The following GAB4 variants were observed in gnomAD, a reference collection of about 807,000 sequenced individuals.
GAB4 encodes the protein GRB2 associated binding protein family member 4.
GAB4 carries 26 observed loss-of-function variants against 51.3 expected under a neutral mutation model. The ratio of observed to expected loss-of-function variants is 0.51; its 90% CI spans 0.37 to 0.70. GAB4 has a LOEUF of 0.70. Among genes scored for constraint, GAB4 ranks in the 30% least tolerant of loss-of-function variants. GAB4 has a pLI of 0.00. For missense variants in GAB4, 759 were observed against 734.6 expected (o/e 1.03, Z -0.38); for synonymous variants, 329 against 291.2 (o/e 1.13, Z -1.32).
intron 1 of GAB4, among the ~76,000 whole-genome samples, chr22:17,001,817 C>T (rs551078295): frequency 6.6e-6 from 1 of 152,250 alleles, no homozygotes; most frequent in African/African-American, 2.4e-5. Flanking sequence ...CTACCCAGTT[C>T]GAGCTTCCAG....
At chr22:16,983,107 T>C (rs1206667458) in intron 3 of GAB4, among the ~76,000 whole-genome samples, 1 of 152,162 alleles carries the variant, frequency 6.6e-6, no homozygotes, top group African/African-American at 2.4e-5. Context: ...GCAGAACATG[T>C]TCCATATGCT....
At chr22:16,984,980 C>T (rs534526074) in intron 3 of GAB4, among the ~76,000 whole-genome samples, 9 of 152,184 alleles carry the variant, frequency 5.9e-5, no homozygotes, top group Non-Finnish European at 1.0e-4. Context: ...GAAAATTGAC[C>T]TCTGTGTATT....
At chr22:16,965,683 T>G (rs944333278) in intron 6 of GAB4, among the ~76,000 whole-genome samples, 30 of 152,198 alleles carry the variant, frequency 2.0e-4, no homozygotes, top group Admixed American at 1.8e-3. Flanking sequence ...CATGAGGTGC[T>G]GAGGCTCCAG....
At position 16,968,012 on chromosome 22, in the gene GAB4, C is replaced by A. The variant is rs181005297; in HGVS notation, c.1023+286G>T. Among the ~76,000 whole-genome samples the A allele has an allele frequency of 2.0e-5, 3 of 152,274 alleles. No individual in the cohort carries two copies. The East Asian group carries it at 5.8e-4, about 29-fold the overall frequency. ...CCAGGGGACCTCATGGGTTAGAGCA[C>A]CTGCTTAGAGCACCCAGAACCCCAG... is the stretch of plus-strand genomic sequence containing the variant. On this transcript the variant is annotated intron_variant, in intron 5 of 9. Transcript: ENST00000400588.
chr22:16,965,342 G>T, intron 6 of GAB4, 74 bp from the exon 7 acceptor site: 2 of 1,232,426 alleles, frequency 1.6e-6, no homozygotes, highest in Non-Finnish European at 2.4e-6. Flanking sequence ...ACAAGGCCCA[G>T]GTGTGCTTAG....
At chr22:16,968,419 C>T in intron 4 of GAB4, 36 bp from the exon 5 acceptor site, 1 of 1,490,018 alleles carries the variant, frequency 6.7e-7, no homozygotes, top group Non-Finnish European at 9.4e-7. Flanking sequence ...TGCATCACAG[C>T]TGATCCATGT....
At chr22:16,967,411 C>T (rs998082896) in intron 5 of GAB4, 1 of 152,630 alleles carries the variant, frequency 6.6e-6, no homozygotes. Context: ...CACCTCAAGT[C>T]CTGACTCGGC....
intron 1 of GAB4, among the ~76,000 whole-genome samples, chr22:16,996,186 A>C (rs1328637832): frequency 6.6e-6 from 1 of 151,756 alleles, no homozygotes; most frequent in Non-Finnish European, 1.5e-5. Context: ...AGCCGAATTG[A>C]TCAAGCAGAA....
chr22:16,993,854 T>C (rs2060931691), intron 1 of GAB4, among the ~76,000 whole-genome samples: 1 of 152,218 alleles, frequency 6.6e-6, no homozygotes, highest in South Asian at 2.1e-4. Context: ...AAAGAGAATC[T>C]GCACCTGATC....
Position 16,988,018 on chromosome 22 carries a change from C to G in GAB4, c.628G>C (p.Ala210Pro). 6.2e-7 allele frequency: 1 copy of G among 1,609,162 alleles called. No individual in the cohort carries two copies. Among genetic ancestry groups the G allele is most frequent in the Non-Finnish European group, 8.5e-7 (1 of 1,178,432 alleles). ...TGCGAGCGGAGACACCCCGGAGGTGCAGGGATGGGCCAGGTGGGCGGCACA... is the reference window on the plus strand; with the variant it reads ...TGCGAGCGGAGACACCCCGGAGGTGGAGGGATGGGCCAGGTGGGCGGCACA... ...HCVPPTWPIP[A>P]PPGCLRSHQH... is the part of the protein sequence containing the mutation. Residue 210 changes from alanine to proline, a missense_variant, in exon 3 of 10, where the codon GCA becomes CCA. Ala to Pro is a conservative substitution (Grantham distance 27). Coordinates refer to ENST00000400588, the MANE Select transcript of GAB4 (RefSeq NM_001037814.1).
At chr22:16,990,051 C>CT (rs1026185099) in intron 2 of GAB4, among the ~76,000 whole-genome samples, 5 of 152,200 alleles carry the variant, frequency 3.3e-5, no homozygotes, top group African/African-American at 1.2e-4. Flanking sequence ...TGACTGTCCA[C>CT]TGCACTCTCT....
At chr22:16,995,637 T>C (rs1427731013) in intron 1 of GAB4, among the ~76,000 whole-genome samples, 3 of 152,206 alleles carry the variant, frequency 2.0e-5, no homozygotes, top group Admixed American at 6.5e-5. Context: ...TCTTTGCTGT[T>C]CTGCAGCCTC....
chr22:16,966,377 C>G lies in GAB4; in HGVS notation c.1024-13G>C. 2.5e-6 allele frequency: 4 copies of G among 1,604,352 alleles called. No individual in the cohort carries two copies. Among genetic ancestry groups the G allele is most frequent in the Non-Finnish European group, 3.4e-6 (4 of 1,173,566 alleles). The stretch of plus-strand genomic sequence containing the variant: ...GCGTTCTTCCTGGCTAGGAAGAGGA[C>G]AGTGAAAGAAACACAGCTATCACCA... On this transcript the variant is annotated splice_polypyrimidine_tract_variant and intron_variant, in intron 5 of 9. Coordinates refer to ENST00000400588, the MANE Select transcript of GAB4 (RefSeq NM_001037814.1).
intron 3 of GAB4, among the ~76,000 whole-genome samples, chr22:16,982,841 A>G (rs572371053): frequency 1.3e-5 from 2 of 152,332 alleles, no homozygotes; most frequent in South Asian, 4.1e-4. Flanking sequence ...TCCAGGGTCC[A>G]GGGTCTAAAA....
intron 6 of GAB4, 129 bp from the exon 7 acceptor site, chr22:16,965,397 G>C: frequency 2.9e-6 from 2 of 698,788 alleles, no homozygotes; most frequent in South Asian, 3.3e-5. Context: ...GTGTGCGGGG[G>C]ACTGAGGCTT....
At chr22:16,972,600 A>G (rs1355459316) in intron 3 of GAB4, among the ~76,000 whole-genome samples, 1 of 152,088 alleles carries the variant, frequency 6.6e-6, no homozygotes, top group Non-Finnish European at 1.5e-5. Context: ...TATGCCCATC[A>G]TCTTCCTCCT....
chr22:17,007,866 G>C (rs868198898), intron 1 of GAB4, 75 bp downstream of exon 1: 5 of 1,381,514 alleles, frequency 3.6e-6, no homozygotes, highest in Middle Eastern at 2.6e-4. Flanking sequence ...GACCCAGGCC[G>C]CCTCCCCCAC....
Position 16,965,694 on chromosome 22 carries a change from C to T in GAB4, c.1288+406G>A, listed in dbSNP as rs183719701. On this transcript the variant is annotated intron_variant, in intron 6 of 9. Coordinates refer to ENST00000400588, the MANE Select transcript of GAB4 (RefSeq NM_001037814.1). ...ACACCATGAGGTGCTGAGGCTCCAG[C>T]GCCACTCGCTGGGTCTGGTTCCCTG... Among the ~76,000 whole-genome samples the T allele has an allele frequency of 1.1e-3, 164 of 152,314 alleles. 3 individuals carry two copies. The East Asian group carries it at 0.031, about 29-fold the overall frequency.
chr22:16,972,495 T>C (rs746230937), intron 3 of GAB4, among the ~76,000 whole-genome samples: 4 of 152,088 alleles, frequency 2.6e-5, no homozygotes, highest in Non-Finnish European at 5.9e-5. Context: ...AGGCCAGCAC[T>C]GAAGGGATCA....
Sources: gnomAD v4.1 joint callset for allele counts (sites outside exome capture counted in the v4.1 genomes callset) on GRCh38, gnomAD v4.1.1 for gene constraint, MANE v1.5 for transcripts, NCBI Gene and HGNC (gene_info 2026-07-23, HGNC 2026-07-21) for gene names.